Variants in NBAS observed in about 807,000 individuals in gnomAD.
NBAS encodes the protein NAG/BC035112 fusion.
In NBAS, 219 loss-of-function variants were observed where a neutral mutation model predicts 302.5. The ratio of observed to expected loss-of-function variants is 0.72; its 90% confidence interval spans 0.65 to 0.81. The LOEUF (loss-of-function observed/expected upper bound fraction) is 0.81, where lower values mean the gene tolerates loss of function less well. Among genes scored for constraint, NBAS ranks in the 30% least tolerant of loss-of-function variants. The pLI, the probability that NBAS is intolerant of heterozygous loss-of-function variation, is 0.00. For synonymous variants in NBAS, 1,118 were observed against 1,021.6 expected (o/e 1.09, Z -1.80); for missense variants, 2,932 against 2,841.6 (o/e 1.03, Z -0.72).
chr2:15,065,399 A>G, the NBAS span, among the ~76,000 whole-genome samples: 2 of 152,154 alleles, frequency 1.3e-5, no homozygotes, highest in East Asian at 3.8e-4. Flanking sequence ...AGTCCTAGAC[A>G]GAGCAATTAG....
At chr2:14,842,351 TA>T in the NBAS span, among the ~76,000 whole-genome samples, 11 of 151,688 alleles carry the variant, frequency 7.3e-5, no homozygotes, top group African/African-American at 2.7e-4. Flanking sequence ...AAATTGAGAC[TA>T]AAAAATGCAG....
chr2:14,952,873 A>G, the NBAS span, among the ~76,000 whole-genome samples: 1 of 152,250 alleles, frequency 6.6e-6, no homozygotes, highest in Non-Finnish European at 1.5e-5. Context: ...CAGTCAAGTA[A>G]GCAGACTGCT....
chr2:15,435,113 A>C (rs1182147655), intron 21 of NBAS, among the ~76,000 whole-genome samples: 1 of 152,254 alleles, frequency 6.6e-6, no homozygotes, highest in Non-Finnish European at 1.5e-5. Flanking sequence ...GAAATGTACC[A>C]AAATATTCAT....
At chr2:15,114,042 T>C in the NBAS span, among the ~76,000 whole-genome samples, 1 of 152,154 alleles carries the variant, frequency 6.6e-6, no homozygotes, top group Non-Finnish European at 1.5e-5. Flanking sequence ...GATTAAGTTC[T>C]AGATCCAAAT....
the NBAS span, among the ~76,000 whole-genome samples, chr2:14,981,967 T>A: frequency 9.8e-3 from 1,490 of 152,284 alleles, 37 homozygotes; most frequent in East Asian, 0.096. Context: ...TTTCCTCCCC[T>A]GGAATCCATG....
chr2:14,976,091 G>A, the NBAS span, among the ~76,000 whole-genome samples: 1 of 152,178 alleles, frequency 6.6e-6, no homozygotes, highest in Non-Finnish European at 1.5e-5. Context: ...AGCAGTCAGG[G>A]CCCTAGGAAT....
intron 9 of NBAS, among the ~76,000 whole-genome samples, chr2:15,519,885 T>C (rs1422804839): frequency 6.6e-6 from 1 of 152,230 alleles, no homozygotes; most frequent in Admixed American, 6.5e-5. Flanking sequence ...GGTCAAATTA[T>C]GAAGCATCAG....
At chr2:14,824,433 T>C in the NBAS span, among the ~76,000 whole-genome samples, 1 of 152,004 alleles carries the variant, frequency 6.6e-6, no homozygotes, top group Non-Finnish European at 1.5e-5. Flanking sequence ...CACATAACAC[T>C]AGTGTAAAAT....
intron 24 of NBAS, among the ~76,000 whole-genome samples, chr2:15,417,301 T>C (rs1006269365): frequency 6.6e-6 from 1 of 152,162 alleles, no homozygotes; most frequent in African/African-American, 2.4e-5. Flanking sequence ...AAAAAAGTTA[T>C]ACAGATGGGT....
At chr2:14,838,344 T>A in the NBAS span, among the ~76,000 whole-genome samples, 1 of 152,114 alleles carries the variant, frequency 6.6e-6, no homozygotes, top group Admixed American at 6.6e-5. Context: ...ATTAATCTCA[T>A]TAATTACATT....
At chr2:15,423,558 A>C (rs2148476292) in intron 23 of NBAS, among the ~76,000 whole-genome samples, 1 of 152,242 alleles carries the variant, frequency 6.6e-6, no homozygotes, top group East Asian at 1.9e-4. Flanking sequence ...AAGGGGATAT[A>C]TTACCTCCCA....
intron 47 of NBAS, among the ~76,000 whole-genome samples, chr2:15,219,924 C>T (rs1666858121): frequency 6.7e-6 from 1 of 148,262 alleles, no homozygotes; most frequent in Admixed American, 7.2e-5. Context: ...CCCCTCACCT[C>T]CCGGATGGGG....
intron 48 of NBAS, among the ~76,000 whole-genome samples, chr2:15,207,192 AG>A (rs1666189226): frequency 6.6e-6 from 1 of 152,180 alleles, no homozygotes. Context: ...TGAGACATGG[AG>A]TCAAAGAAGA....
chr2:15,184,763 A>T (rs1405418653), intron 50 of NBAS, among the ~76,000 whole-genome samples: 2 of 152,170 alleles, frequency 1.3e-5, no homozygotes, highest in Non-Finnish European at 2.9e-5. Context: ...ACTGTTACTG[A>T]GCCTTGATTA....
At chr2:15,114,404 C>T in the NBAS span, among the ~76,000 whole-genome samples, 2 of 152,130 alleles carry the variant, frequency 1.3e-5, no homozygotes, top group Non-Finnish European at 2.9e-5. Flanking sequence ...TGATCCCAGT[C>T]ATACTGGAAT....
At chr2:15,132,788 T>G in the NBAS span, among the ~76,000 whole-genome samples, 1 of 152,254 alleles carries the variant, frequency 6.6e-6, no homozygotes. Context: ...AACAGAATTT[T>G]TAATGATTAG....
At chr2:15,167,804 A>C (rs1405225217) in intron 51 of NBAS, among the ~76,000 whole-genome samples, 1 of 152,214 alleles carries the variant, frequency 6.6e-6, no homozygotes, top group Non-Finnish European at 1.5e-5. Flanking sequence ...ACTGTGATCC[A>C]CATTCTTTAA....
chr2:15,024,162 A>C, the NBAS span, among the ~76,000 whole-genome samples: 1 of 151,328 alleles, frequency 6.6e-6, no homozygotes, highest in Admixed American at 6.6e-5. Flanking sequence ...TCTGTTGTTC[A>C]CCTCTTTCTA....
the NBAS span, among the ~76,000 whole-genome samples, chr2:15,135,848 C>T: frequency 6.9e-6 from 1 of 143,916 alleles, no homozygotes; most frequent in Middle Eastern, 3.5e-3. Flanking sequence ...TACACTAACA[C>T]TAACGATAGC....
Sources: gnomAD v4.1 joint callset for allele counts (sites outside exome capture counted in the v4.1 genomes callset) on GRCh38, gnomAD v4.1.1 for gene constraint, MANE v1.5 for transcripts, NCBI Gene and HGNC (gene_info 2026-07-23, HGNC 2026-07-21) for gene names.